Variants in DNAH12 observed in about 807,000 individuals in gnomAD.
DNAH12 encodes dynein axonemal heavy chain 12, also known as axonemal beta dynein heavy chain 12.
A neutral mutation model predicts 371.5 loss-of-function variants in DNAH12; 285 were observed. The ratio of observed to expected loss-of-function variants is 0.77; its 90% CI spans 0.70 to 0.85. The LOEUF is 0.85. Ranked by LOEUF, DNAH12 falls within the 40% of genes least tolerant of loss-of-function variation. The pLI is 0.00. For missense variants in DNAH12, 3,611 were observed against 3,689.4 expected (o/e 0.98, Z 0.55); for synonymous variants, 1,200 against 1,213.0 (o/e 0.99, Z 0.22).
intron 69 of DNAH12, among the ~76,000 whole-genome samples, chr3:57,302,836 A>G (rs2061389607): frequency 6.7e-6 from 1 of 149,080 alleles, no homozygotes; most frequent in East Asian, 2.1e-4. Context: ...TCGGCCTCCC[A>G]AAGTGCTGGG....
intron 59 of DNAH12, among the ~76,000 whole-genome samples, chr3:57,352,956 G>A (rs2062715535): frequency 6.6e-6 from 1 of 152,026 alleles, no homozygotes; most frequent in African/African-American, 2.4e-5. Flanking sequence ...AGGGGTGGTG[G>A]TACACGCCTG....
At chr3:57,316,256 A>T (rs1049936705) in intron 65 of DNAH12, among the ~76,000 whole-genome samples, 3 of 151,672 alleles carry the variant, frequency 2.0e-5, no homozygotes, top group African/African-American at 7.3e-5. Context: ...GTTTTCTATG[A>T]CATGATGCTG....
intron 36 of DNAH12, among the ~76,000 whole-genome samples, chr3:57,419,796 A>G (rs1054363516): frequency 6.6e-6 from 1 of 152,176 alleles, no homozygotes; most frequent in Admixed American, 6.5e-5. Flanking sequence ...TTGTTATCAC[A>G]TATTCAACAT....
intron 58 of DNAH12, among the ~76,000 whole-genome samples, chr3:57,360,203 C>T (rs1386783097): frequency 1.3e-5 from 2 of 152,116 alleles, no homozygotes; most frequent in Non-Finnish European, 2.9e-5. Context: ...TACAGAATAT[C>T]TCAGCCATGG....
chr3:57,414,459 G>A (rs971633883), intron 38 of DNAH12, among the ~76,000 whole-genome samples: 18 of 152,002 alleles, frequency 1.2e-4, no homozygotes, highest in African/African-American at 3.6e-4. Flanking sequence ...GTGTTGTGAG[G>A]GTTTGGTGTA....
intron 4 of DNAH12, among the ~76,000 whole-genome samples, chr3:57,514,267 A>T (rs1324182384): frequency 6.6e-6 from 1 of 151,614 alleles, no homozygotes; most frequent in Admixed American, 6.6e-5. Context: ...GGTGGGGGGA[A>T]CCTGTAATTC....
intron 14 of DNAH12, 52 bp downstream of exon 14, chr3:57,472,494 G>A: frequency 2.0e-6 from 3 of 1,517,814 alleles, no homozygotes; most frequent in East Asian, 5.0e-5. Context: ...AAATGTGAAT[G>A]ATGTGCTTGA....
rs2061350838 is a variant in DNAH12 at position 57,301,715 on chromosome 3, CACACACACACACAT to C, written c.11394+6_11394+19del. 5.9e-6 allele frequency: 8 copies of C among 1,356,276 alleles called. No individual in the cohort carries two copies. Among genetic ancestry groups the C allele is most frequent in the East Asian group, 2.5e-5 (1 of 39,818 alleles). The allele number at this position is 1,356,276 out of a possible 1,614,324, so 84.0% of individuals were successfully genotyped here. ...ACACACACACACACACACACACACA[CACACACACACACAT>C]TTTACCTGTAAAAAGTTCAACCGGG... On this transcript the variant is annotated splice_donor_region_variant and intron_variant, in intron 70 of 73. Coordinates refer to ENST00000495027, the MANE Select transcript of DNAH12 (RefSeq NM_001366028.2).
At chr3:57,417,174 C>T (rs933821666) in intron 37 of DNAH12, among the ~76,000 whole-genome samples, 18 of 141,990 alleles carry the variant, frequency 1.3e-4, no homozygotes, top group Admixed American at 8.4e-4. Flanking sequence ...CGCTTGAACC[C>T]GGGAGGCAGA....
intron 32 of DNAH12, among the ~76,000 whole-genome samples, chr3:57,430,612 C>G (rs2064927067): frequency 6.6e-6 from 1 of 152,158 alleles, no homozygotes; most frequent in Non-Finnish European, 1.5e-5. Flanking sequence ...GCCATCCTAT[C>G]TCCTCAATCT....
chr3:57,551,549 C>T, the DNAH12 span, among the ~76,000 whole-genome samples: 2 of 152,174 alleles, frequency 1.3e-5, no homozygotes, highest in East Asian at 1.9e-4. Flanking sequence ...GGATTACAGG[C>T]ATTAGCCACC....
intron 25 of DNAH12, 61 bp from the exon 26 acceptor site, chr3:57,446,750 C>CT: frequency 7.3e-7 from 1 of 1,363,074 alleles, no homozygotes. Flanking sequence ...ACAACAGACA[C>CT]TTGTTTACCA....
intron 11 of DNAH12, among the ~76,000 whole-genome samples, chr3:57,489,888 T>C (rs550996036): frequency 1.8e-4 from 27 of 152,260 alleles, no homozygotes; most frequent in African/African-American, 6.3e-4. Context: ...TACCAGTAAA[T>C]ATCCAATACG....
chr3:57,430,004 G>A (rs1175972924), intron 32 of DNAH12, among the ~76,000 whole-genome samples: 1 of 152,006 alleles, frequency 6.6e-6, no homozygotes, highest in Non-Finnish European at 1.5e-5. Flanking sequence ...AGGGATAATA[G>A]TGCTCTTGTA....
intron 26 of DNAH12, 118 bp from the exon 27 acceptor site, chr3:57,446,388 A>T (rs1481779474): frequency 1.4e-6 from 2 of 1,427,634 alleles, no homozygotes; most frequent in Admixed American, 5.4e-5. Flanking sequence ...AGTTCCAAGG[A>T]TAAAAACAAT....
At chr3:57,319,149 C>A (rs2061749416) in intron 65 of DNAH12, among the ~76,000 whole-genome samples, 1 of 151,958 alleles carries the variant, frequency 6.6e-6, no homozygotes, top group South Asian at 2.1e-4. Context: ...GGATTGTTTT[C>A]CTAATTTCCA....
intron 25 of DNAH12, among the ~76,000 whole-genome samples, chr3:57,449,293 C>A (rs986167911): frequency 1.3e-5 from 2 of 152,252 alleles, no homozygotes; most frequent in African/African-American, 4.8e-5. Flanking sequence ...CCTAGTGGAT[C>A]CCACACCCGG....
intron 60 of DNAH12, among the ~76,000 whole-genome samples, chr3:57,348,663 A>G (rs971876245): frequency 6.6e-6 from 1 of 152,218 alleles, no homozygotes; most frequent in Non-Finnish European, 1.5e-5. Context: ...CTTTTCAAAA[A>G]AAGGATGGGC....
rs373768395 is a variant in DNAH12 at position 57,529,157 on chromosome 3, T to C, written c.171-5273A>G. On this transcript the variant is annotated intron_variant, in intron 2 of 73. Coordinates refer to ENST00000495027, the MANE Select transcript of DNAH12 (RefSeq NM_001366028.2). ...TGTTTTGCTAGTATTTTGTTGAGGA[T>C]TTTTGTATCAATATTCATCTGTGAT... is the stretch of plus-strand genomic sequence containing the variant. Among the ~76,000 whole-genome samples, 35 of 152,284 alleles carry C rather than the reference T, an allele frequency of 2.3e-4. No homozygotes were observed. The East Asian group carries it at 4.2e-3, about 18-fold the overall frequency.
Sources: gnomAD v4.1 joint callset for allele counts (sites outside exome capture counted in the v4.1 genomes callset) on GRCh38, gnomAD v4.1.1 for gene constraint, MANE v1.5 for transcripts, NCBI Gene and HGNC (gene_info 2026-07-23, HGNC 2026-07-21) for gene names.